The following THSD7A variants were observed in gnomAD, a reference collection of about 807,000 sequenced individuals.
THSD7A encodes the protein thrombospondin type 1 domain containing 7A, also known as thrombospondin type-1 domain-containing protein 7A.
In THSD7A, 96 loss-of-function variants were observed where a neutral mutation model predicts 231.3. The ratio of observed to expected loss-of-function variants is 0.41; its 90% confidence interval spans 0.35 to 0.49. The LOEUF (loss-of-function observed/expected upper bound fraction) is 0.49. Ranked by LOEUF, THSD7A falls within the 20% of genes least tolerant of loss-of-function variation. THSD7A has a pLI of 0.05. For synonymous variants in THSD7A, 940 were observed against 743.3 expected, an observed-to-expected ratio of 1.26 and a Z score of -4.30; for missense variants, 2,290 against 2,070.2, an observed-to-expected ratio of 1.11 and a Z score of -2.06.
At chr7:11,622,265 G>T (rs1012073790) in intron 2 of THSD7A, among the ~76,000 whole-genome samples, 4 of 151,682 alleles carry the variant, frequency 2.6e-5, no homozygotes, top group Non-Finnish European at 5.9e-5. Flanking sequence ...CATCTTTTTT[G>T]AAAGAGATTT....
At chr7:11,772,874 C>CA (rs1414122227) in intron 1 of THSD7A, among the ~76,000 whole-genome samples, 1 of 151,782 alleles carries the variant, frequency 6.6e-6, no homozygotes, top group Non-Finnish European at 1.5e-5. Context: ...TAAAAGATGA[C>CA]AAAAAAAGTT....
At chr7:11,484,872 TAA>T (rs149743124) in intron 6 of THSD7A, among the ~76,000 whole-genome samples, 3 of 132,894 alleles carry the variant, frequency 2.3e-5, no homozygotes, top group East Asian at 2.2e-4. Flanking sequence ...ATCACAACCT[TAA>T]TTTTTTTTTT....
intron 23 of THSD7A, among the ~76,000 whole-genome samples, chr7:11,389,438 T>C (rs1782893959): frequency 1.2e-5 from 1 of 80,046 alleles, no homozygotes; most frequent in Non-Finnish European, 2.7e-5. Flanking sequence ...TTTTTTTTTT[T>C]TTTTTTTTTT....
intron 2 of THSD7A, among the ~76,000 whole-genome samples, chr7:11,622,045 G>T (rs1057098985): frequency 2.6e-5 from 4 of 152,078 alleles, no homozygotes; most frequent in South Asian, 2.1e-4. Context: ...AGTTTTTCTG[G>T]CTAGTGTGAG....
chr7:11,548,726 C>A (rs1348569038), intron 4 of THSD7A, among the ~76,000 whole-genome samples: 1 of 151,852 alleles, frequency 6.6e-6, no homozygotes, highest in Admixed American at 6.6e-5. Context: ...AAATATGATT[C>A]ATCATATAAA....
At chr7:11,460,992 G>A (rs1785486317) in intron 10 of THSD7A, among the ~76,000 whole-genome samples, 1 of 152,164 alleles carries the variant, frequency 6.6e-6, no homozygotes, top group Middle Eastern at 3.2e-3. Context: ...TCATTGTCAA[G>A]TTCTATAGGA....
rs906939258 is a variant in THSD7A, at chr7:11,501,911, C to T, written c.1823-19929G>A. ...TCTAGACTAATAGAAGAGAGAAAAG[C>T]CAAATAAACCCAATTAGAAATGATG... On this transcript the variant is annotated intron_variant, in intron 6 of 27. Transcript: ENST00000423059. Among the ~76,000 whole-genome samples, 2 of 151,578 alleles carry T rather than the reference C, an allele frequency of 1.3e-5. 1 individual carries two copies. Among genetic ancestry groups the T allele is most frequent in the Non-Finnish European group, 2.9e-5 (2 of 67,830 alleles).
intron 10 of THSD7A, among the ~76,000 whole-genome samples, chr7:11,461,575 A>C (rs527259589): frequency 6.6e-5 from 10 of 152,322 alleles, no homozygotes; most frequent in African/African-American, 1.9e-4. Context: ...AGCATCATTG[A>C]GATACAGATG....
intron 1 of THSD7A, among the ~76,000 whole-genome samples, chr7:11,651,302 T>C (rs1167157645): frequency 6.6e-6 from 1 of 151,940 alleles, no homozygotes; most frequent in African/African-American, 2.4e-5. Context: ...TGGGAAAGTA[T>C]TGGTTGATGA....
At chr7:11,658,678 A>C (rs1257142406) in intron 1 of THSD7A, among the ~76,000 whole-genome samples, 3 of 151,712 alleles carry the variant, frequency 2.0e-5, no homozygotes, top group Non-Finnish European at 4.4e-5. Context: ...ATTTAACTGT[A>C]GATAAGCAGA....
intron 1 of THSD7A, chr7:11,820,684 C>G: frequency 2.3e-6 from 2 of 854,606 alleles, no homozygotes. Flanking sequence ...CTTTAGTCCC[C>G]AGTCTCGATG....
chr7:11,563,747 G>A (rs1403920137), intron 4 of THSD7A, among the ~76,000 whole-genome samples: 1 of 152,098 alleles, frequency 6.6e-6, no homozygotes, highest in African/African-American at 2.4e-5. Context: ...TTGTACTTGA[G>A]TTCATTTTCT....
At chr7:11,803,483 A>G (rs1412111476) in intron 1 of THSD7A, among the ~76,000 whole-genome samples, 1 of 152,144 alleles carries the variant, frequency 6.6e-6, no homozygotes, top group Non-Finnish European at 1.5e-5. Flanking sequence ...GGAGAGTTAG[A>G]CATCAAGGAA....
intron 1 of THSD7A, among the ~76,000 whole-genome samples, chr7:11,789,862 C>G (rs143891220): frequency 1.2e-3 from 181 of 152,026 alleles, no homozygotes; most frequent in African/African-American, 4.1e-3. Context: ...GCACTTCTTC[C>G]TAAGTATCCT....
chr7:11,588,665 A>G (rs548538802), intron 4 of THSD7A, among the ~76,000 whole-genome samples: 1 of 152,186 alleles, frequency 6.6e-6, no homozygotes, highest in African/African-American at 2.4e-5. Flanking sequence ...GTTGCAATTC[A>G]GAATTCTGAA....
chr7:11,441,596 C>T (rs910936522), intron 13 of THSD7A, among the ~76,000 whole-genome samples: 12 of 152,054 alleles, frequency 7.9e-5, no homozygotes, highest in African/African-American at 2.4e-5. Context: ...GCTACCCTCT[C>T]TTATTTCCTT....
chr7:11,714,277 T>C (rs1364882605), intron 1 of THSD7A, among the ~76,000 whole-genome samples: 2 of 151,250 alleles, frequency 1.3e-5, no homozygotes, highest in African/African-American at 4.8e-5. Context: ...ATGTATTTTA[T>C]CAATCAGTCC....
chr7:11,583,048 T>C (rs1020786802), intron 4 of THSD7A, among the ~76,000 whole-genome samples: 5 of 152,112 alleles, frequency 3.3e-5, no homozygotes, highest in African/African-American at 1.2e-4. Context: ...CTATTCTCAG[T>C]GTTAAATATT....
At chr7:11,440,613 G>A (rs1784773914) in intron 13 of THSD7A, among the ~76,000 whole-genome samples, 1 of 151,998 alleles carries the variant, frequency 6.6e-6, no homozygotes, top group Non-Finnish European at 1.5e-5. Flanking sequence ...AGACTTCAGT[G>A]GAGAAAGTAA....
Sources: gnomAD v4.1 joint callset for allele counts (sites outside exome capture counted in the v4.1 genomes callset) on GRCh38, gnomAD v4.1.1 for gene constraint, MANE v1.5 for transcripts, NCBI Gene and HGNC (gene_info 2026-07-23, HGNC 2026-07-21) for gene names.